VIPR2: variants seen among roughly 807,000 people sequenced by gnomAD.
VIPR2 encodes the protein vasoactive intestinal peptide receptor 2.
VIPR2 carries 48 observed loss-of-function variants against 58.0 expected under a neutral mutation model. The observed-to-expected ratio is 0.83, with a 90% CI of 0.66 to 1.05. The LOEUF (loss-of-function observed/expected upper bound fraction) is 1.05, where lower values mean the gene tolerates loss of function less well. Among genes scored for constraint, VIPR2 ranks in the 50% least tolerant of loss-of-function variants. VIPR2 has a pLI of 0.00. For missense variants in VIPR2, 534 were observed against 558.0 expected (o/e 0.96, Z 0.43); for synonymous variants, 243 against 235.2 (o/e 1.03, Z -0.30).
Position 159,132,924 on chromosome 7 carries a change from C to CAGAATGATTGGCATACCGATTGATTTT in VIPR2, c.151+9521_151+9522insAAAATCAATCGGTATGCCAATCATTCT, listed in dbSNP as rs1797019787. 4.8e-3 allele frequency among the ~76,000 whole-genome samples: 122 copies of CAGAATGATTGGCATACCGATTGATTTT among 25,684 alleles called. 2 individuals carry two copies. Among genetic ancestry groups the CAGAATGATTGGCATACCGATTGATTTT allele is most frequent in the Non-Finnish European group, 4.9e-3 (70 of 14,234 alleles). 16.8% of individuals were successfully genotyped at this position (25,684 alleles called of 152,430 possible). A position where few individuals can be genotyped will look rare whatever the true frequency, so the allele number is the denominator to read the frequency against. Reference sequence around the variant, plus strand: ...GAATGATTGGCATACAGATTGATTTCAGACAGAATGATTGGCATACAGATT... The same window carrying CAGAATGATTGGCATACCGATTGATTTT: ...GAATGATTGGCATACAGATTGATTTCAGAATGATTGGCATACCGATTGATTTTAGACAGAATGATTGGCATACAGATT... On this transcript the variant is annotated intron_variant, in intron 2 of 12. Transcript: ENST00000262178.
At chr7:159,074,610 C>CCT (rs1856552845) in intron 4 of VIPR2, among the ~76,000 whole-genome samples, 1 of 152,166 alleles carries the variant, frequency 6.6e-6, no homozygotes, top group African/African-American at 2.4e-5. Flanking sequence ...AGTCACCCAG[C>CCT]CTATGATATT....
intron 5 of VIPR2, among the ~76,000 whole-genome samples, chr7:159,047,914 G>A (rs1158926881): frequency 6.6e-6 from 1 of 152,122 alleles, no homozygotes; most frequent in Non-Finnish European, 1.5e-5. Flanking sequence ...AAAGCAAAAT[G>A]ACAATATAAT....
chr7:159,107,438 T>C (rs1382349589), intron 3 of VIPR2, among the ~76,000 whole-genome samples: 3 of 152,190 alleles, frequency 2.0e-5, no homozygotes, highest in Admixed American at 6.5e-5. Flanking sequence ...CCCTGCTTCC[T>C]TTGTTCCCCT....
intron 2 of VIPR2, among the ~76,000 whole-genome samples, chr7:159,136,226 C>T (rs113707812): frequency 1.3e-5 from 2 of 152,092 alleles, no homozygotes; most frequent in East Asian, 1.9e-4. Flanking sequence ...CACAGGCCAT[C>T]GTGTAGTGAG....
At chr7:159,108,787 C>T (rs775651994) in intron 3 of VIPR2, among the ~76,000 whole-genome samples, 6 of 152,194 alleles carry the variant, frequency 3.9e-5, no homozygotes, top group African/African-American at 7.2e-5. Flanking sequence ...TCCAGATCTC[C>T]AGGAGAATGG....
rs114112265 is a variant in VIPR2 at position 159,042,668 on chromosome 7, T to G, written c.597+367A>C. 6.8e-3 allele frequency among the ~76,000 whole-genome samples: 1,035 copies of G among 152,288 alleles called. 10 individuals are homozygous for G. The highest frequency in any genetic ancestry group is 0.023 in the African/African-American group (974 of 41,552). On this transcript the variant is annotated intron_variant, in intron 6 of 12. Coordinates refer to ENST00000262178, the MANE Select transcript of VIPR2 (RefSeq NM_003382.5). ...CTTTACTGCTCAGAATCTAGGAGAT[T>G]CAGACAGAAAGCAACAGAGTTGTGT...
rs541184409 is a variant in VIPR2, at chr7:159,117,064, C to A, written c.152-7145G>T. On this transcript the variant is annotated intron_variant, in intron 2 of 12. Coordinates refer to ENST00000262178, the MANE Select transcript of VIPR2 (RefSeq NM_003382.5). Reference sequence around the variant, plus strand: ...CATATACTCCATTTTGTCCTCCCAGCAACTCCCTGAAGAAGGCGAGAGCCC... The same window carrying A: ...CATATACTCCATTTTGTCCTCCCAGAAACTCCCTGAAGAAGGCGAGAGCCC... 4.9e-5 allele frequency: 23 copies of A among 473,058 alleles called. No homozygotes were observed. In the East Asian group the frequency reaches 5.1e-4, roughly 11 times the overall value. 29.3% of individuals were successfully genotyped at this position (473,058 alleles called of 1,614,324 possible).
intron 4 of VIPR2, among the ~76,000 whole-genome samples, chr7:159,088,628 G>A (rs1327532504): frequency 6.6e-6 from 1 of 152,254 alleles, no homozygotes; most frequent in Non-Finnish European, 1.5e-5. Context: ...TGTCTCACAA[G>A]TTGGACTAAG....
At chr7:159,139,766 G>A (rs915835165) in intron 2 of VIPR2, among the ~76,000 whole-genome samples, 2 of 152,182 alleles carry the variant, frequency 1.3e-5, no homozygotes, top group African/African-American at 4.8e-5. Flanking sequence ...CCCTCCAGAC[G>A]CGGGTGTAAG....
chr7:159,105,094 A>T (rs1363715373), intron 3 of VIPR2, among the ~76,000 whole-genome samples: 1 of 152,204 alleles, frequency 6.6e-6, no homozygotes, highest in Non-Finnish European at 1.5e-5. Flanking sequence ...CAGAAATTCA[A>T]TGTTCCTTGT....
At chr7:159,085,247 G>A (rs1857110247) in intron 4 of VIPR2, among the ~76,000 whole-genome samples, 2 of 152,200 alleles carry the variant, frequency 1.3e-5, no homozygotes, top group Non-Finnish European at 2.9e-5. Flanking sequence ...GAAGACACCA[G>A]ATTGAGTCTC....
chr7:159,144,339 G>A, intron 1 of VIPR2: 2 of 1,533,084 alleles, frequency 1.3e-6, no homozygotes, highest in Non-Finnish European at 1.8e-6. Flanking sequence ...TGCGGCCAAC[G>A]CCAACCCCGA....
chr7:159,053,755 C>T (rs1855141742), intron 5 of VIPR2, among the ~76,000 whole-genome samples: 1 of 152,122 alleles, frequency 6.6e-6, no homozygotes, highest in Non-Finnish European at 1.5e-5. Flanking sequence ...CCTATGTTGC[C>T]CTGGCTTGTC....
intron 3 of VIPR2, among the ~76,000 whole-genome samples, chr7:159,106,940 G>T (rs948439020): frequency 6.6e-6 from 1 of 150,498 alleles, no homozygotes; most frequent in African/African-American, 2.5e-5. Flanking sequence ...GAGAGATCAG[G>T]GAGGTACAGA....
In VIPR2 at chr7:159,098,321, T is replaced by G. The variant is rs1341035520; in HGVS notation, c.357+5436A>C. On this transcript the variant is annotated intron_variant, in intron 4 of 12. Coordinates refer to ENST00000262178, the MANE Select transcript of VIPR2 (RefSeq NM_003382.5). The surrounding 1 kb of genome is among the most constrained non-coding windows in gnomAD (Gnocchi z 5.2). ...CGAGAACTGTGGCTTACAGTGCGGG[T>G]GGGCAAGCGGAGAGGAGCAGCTGTG... Among the ~76,000 whole-genome samples, 1 of 151,906 alleles carries G rather than the reference T, an allele frequency of 6.6e-6. No individual in the cohort carries two copies. The highest frequency in any genetic ancestry group is 6.6e-5 in the Admixed American group (1 of 15,258).
chr7:159,099,490 C>A lies in VIPR2; in HGVS notation c.357+4267G>T, dbSNP rs981294881. ...CATTGCCACAGCAGGCGGCGGCTGT[C>A]ACTGCCTCCCAGATCCACATCACTC... On this transcript the variant is annotated intron_variant, in intron 4 of 12. Coordinates refer to ENST00000262178, the MANE Select transcript of VIPR2 (RefSeq NM_003382.5). The surrounding 1 kb of genome is among the most constrained non-coding windows in gnomAD (Gnocchi z 4.2). Among the ~76,000 whole-genome samples, 5 of 152,198 alleles carry A rather than the reference C, an allele frequency of 3.3e-5. No homozygotes were observed. The highest frequency in any genetic ancestry group is 1.2e-4 in the African/African-American group (5 of 41,446).
At chr7:159,109,767 G>A (rs1243520512) in intron 3 of VIPR2, 45 bp downstream of exon 3, 1 of 1,568,196 alleles carries the variant, frequency 6.4e-7, no homozygotes, top group African/African-American at 1.4e-5. Context: ...ACGCTCAGAT[G>A]CAAACACCCT....
At chr7:159,104,541 CAGCAATGCCCTCCCTCCTCCCAGCCA>C in intron 3 of VIPR2, among the ~76,000 whole-genome samples, 1 of 131,608 alleles carries the variant, frequency 7.6e-6, no homozygotes. Context: ...TCCCTCCTCC[CAGCAATGCCCTCCCTCCTCCCAGCCA>C]GGCCCTCACC....
chr7:159,038,734 A>T (rs1355363274), intron 6 of VIPR2, among the ~76,000 whole-genome samples: 1 of 152,210 alleles, frequency 6.6e-6, no homozygotes, highest in African/African-American at 2.4e-5. Context: ...TCAGAATAGA[A>T]ACCTCTTAAC....
Sources: allele counts gnomAD v4.1 joint callset (sites outside exome capture counted in the v4.1 genomes callset), GRCh38; gene constraint gnomAD v4.1.1; non-coding constraint Gnocchi (gnomAD v3.1); transcripts MANE v1.5; gene names NCBI Gene and HGNC (gene_info 2026-07-23, HGNC 2026-07-21).